The following LRP12 variants were observed in gnomAD, a reference collection of about 807,000 sequenced individuals.
LRP12 encodes the protein LDL receptor related protein 12, also known as low-density lipoprotein receptor-related protein 12.
In LRP12, 14 loss-of-function variants were observed where a neutral mutation model predicts 66.0. The observed-to-expected ratio is 0.21, with a 90% confidence interval of 0.14 to 0.33. The LOEUF is 0.33. Ranked by LOEUF, LRP12 falls within the 10% of genes least tolerant of loss-of-function variation. The pLI is 1.00. For synonymous variants in LRP12, 357 were observed against 359.1 expected, an observed-to-expected ratio of 0.99 and a Z score of 0.07; for missense variants, 889 against 1,053.4, an observed-to-expected ratio of 0.84 and a Z score of 2.16.
chr8:104,554,753 T>A (rs993783524), intron 1 of LRP12, among the ~76,000 whole-genome samples: 2 of 152,020 alleles, frequency 1.3e-5, no homozygotes, highest in African/African-American at 4.8e-5. Flanking sequence ...GATCTAGACG[T>A]TGAAATACAA....
intron 2 of LRP12, among the ~76,000 whole-genome samples, chr8:104,519,440 G>A (rs1334975846): frequency 6.6e-6 from 1 of 152,008 alleles, no homozygotes; most frequent in African/African-American, 2.4e-5. Context: ...AAATGCTTGG[G>A]ACCAAAAGTG....
chr8:104,523,419 AAAG>A (rs1264645735), intron 2 of LRP12, among the ~76,000 whole-genome samples: 4 of 152,242 alleles, frequency 2.6e-5, no homozygotes, highest in African/African-American at 9.6e-5. Context: ...AGAGAAGTAT[AAAG>A]ATGAATACTA....
At chr8:104,560,770 C>A (rs1007827485) in intron 1 of LRP12, among the ~76,000 whole-genome samples, 1 of 152,130 alleles carries the variant, frequency 6.6e-6, no homozygotes, top group African/African-American at 2.4e-5. Context: ...TCCTGGTTGT[C>A]TCCTGTTTTT....
At chr8:104,572,953 C>T (rs1286521861) in intron 1 of LRP12, among the ~76,000 whole-genome samples, 1 of 152,184 alleles carries the variant, frequency 6.6e-6, no homozygotes, top group African/African-American at 2.4e-5. Flanking sequence ...TTCTCTCTAA[C>T]CCACCCACAC....
At chr8:104,575,405 C>T (rs1008077878) in intron 1 of LRP12, among the ~76,000 whole-genome samples, 2 of 152,178 alleles carry the variant, frequency 1.3e-5, no homozygotes, top group African/African-American at 4.8e-5. Context: ...GCAAGTTGGT[C>T]CCCCAATCCA....
chr8:104,541,874 G>A (rs1811483006), intron 1 of LRP12, among the ~76,000 whole-genome samples: 1 of 151,998 alleles, frequency 6.6e-6, no homozygotes, highest in African/African-American at 2.4e-5. Context: ...TCCATTATCT[G>A]GATATATCAC....
intron 1 of LRP12, among the ~76,000 whole-genome samples, chr8:104,547,979 T>C (rs1406457150): frequency 8.3e-6 from 1 of 120,158 alleles, no homozygotes; most frequent in Non-Finnish European, 1.6e-5. Context: ...TTGTATATAA[T>C]ATATAATTGT....
At chr8:104,527,223 C>T (rs1309586087) in intron 2 of LRP12, among the ~76,000 whole-genome samples, 1 of 143,642 alleles carries the variant, frequency 7.0e-6, no homozygotes, top group Non-Finnish European at 1.5e-5. Context: ...AACACTTTTA[C>T]ACTGTTGGTG....
At chr8:104,532,643 G>A (rs767182434) in intron 1 of LRP12, among the ~76,000 whole-genome samples, 5 of 152,114 alleles carry the variant, frequency 3.3e-5, no homozygotes, top group South Asian at 4.1e-4. Context: ...GGAGTCAGGT[G>A]GGGAAGGAAG....
chr8:104,580,928 T>C (rs1438984623), intron 1 of LRP12, among the ~76,000 whole-genome samples: 2 of 152,244 alleles, frequency 1.3e-5, no homozygotes, highest in Non-Finnish European at 2.9e-5. Context: ...ATCCCATTAC[T>C]GGGAATACAC....
chr8:104,542,093 A>G (rs1811487172), intron 1 of LRP12, among the ~76,000 whole-genome samples: 1 of 152,116 alleles, frequency 6.6e-6, no homozygotes, highest in Admixed American at 6.5e-5. Flanking sequence ...CCAAATGGCA[A>G]TACCATTTTA....
At chr8:104,541,428 T>C (rs1811474363) in intron 1 of LRP12, among the ~76,000 whole-genome samples, 2 of 152,188 alleles carry the variant, frequency 1.3e-5, no homozygotes, top group African/African-American at 4.8e-5. Context: ...AGAATAAATA[T>C]GAGTTTGAAA....
rs1319174199 is a variant in LRP12, at chr8:104,490,260, A to G, written c.*413T>C. On this transcript the variant is annotated 3_prime_UTR_variant, in exon 7 of 7. Coordinates refer to ENST00000276654, the MANE Select transcript of LRP12 (RefSeq NM_013437.5). ...TACATTAACAACCTTAACATCTAGT[A>G]TATTAAGTTACAAGATGTGTTGGCA... The G allele has an allele frequency of 1.9e-5, 3 of 157,546 alleles. No homozygotes were observed. Among genetic ancestry groups the G allele is most frequent in the Non-Finnish European group, 2.8e-5 (2 of 71,368 alleles). The allele number at this position is 157,546 out of a possible 1,614,324, so 9.8% of individuals were successfully genotyped here.
At chr8:104,544,409 G>A (rs536011222) in intron 1 of LRP12, among the ~76,000 whole-genome samples, 3 of 152,144 alleles carry the variant, frequency 2.0e-5, no homozygotes, top group Admixed American at 1.3e-4. Context: ...GTGGCTACAC[G>A]AGGCAACAGA....
chr8:104,517,192 T>C (rs1811082304), intron 2 of LRP12, among the ~76,000 whole-genome samples: 3 of 150,100 alleles, frequency 2.0e-5, no homozygotes. Flanking sequence ...TATGACAGCA[T>C]ACCAGATAAT....
chr8:104,569,485 T>G (rs1305418626), intron 1 of LRP12, among the ~76,000 whole-genome samples: 1 of 152,102 alleles, frequency 6.6e-6, no homozygotes, highest in Admixed American at 6.5e-5. Flanking sequence ...AATGAAAGGC[T>G]AGTTATATAT....
At chr8:104,535,162 A>G (rs1475644795) in intron 1 of LRP12, among the ~76,000 whole-genome samples, 1 of 152,044 alleles carries the variant, frequency 6.6e-6, no homozygotes, top group Non-Finnish European at 1.5e-5. Flanking sequence ...CACCTAAATC[A>G]GAAAATAGTT....
At chr8:104,584,061 T>G (rs765295284) in intron 1 of LRP12, among the ~76,000 whole-genome samples, 5 of 152,022 alleles carry the variant, frequency 3.3e-5, no homozygotes, top group African/African-American at 4.8e-5. Flanking sequence ...AATTTGTATT[T>G]GCAGGATCTA....
chr8:104,565,966 G>A (rs934544921), intron 1 of LRP12: 1 of 152,304 alleles, frequency 6.6e-6, no homozygotes, highest in African/African-American at 2.6e-5. Flanking sequence ...GAGAGAGAGG[G>A]AGAGGGGGCG....
Sources: allele counts gnomAD v4.1 joint callset (sites outside exome capture counted in the v4.1 genomes callset), GRCh38; gene constraint gnomAD v4.1.1; transcripts MANE v1.5; gene names NCBI Gene and HGNC (gene_info 2026-07-23, HGNC 2026-07-21).